EFNA5: variants seen among roughly 807,000 people sequenced by gnomAD.
The protein encoded by EFNA5 is ephrin-A5.
EFNA5 carries 5 observed loss-of-function variants against 22.9 expected under a neutral mutation model. The observed-to-expected ratio is 0.22, with a 90% CI of 0.11 to 0.46. The LOEUF is 0.46. EFNA5 is among the 20% of genes least tolerant of loss of function. The pLI, the probability that EFNA5 is intolerant of heterozygous loss-of-function variation, is 0.99. For missense variants in EFNA5, 237 were observed against 293.3 expected, an observed-to-expected ratio of 0.81 and a Z score of 1.40; for synonymous variants, 113 against 112.2, an observed-to-expected ratio of 1.01 and a Z score of -0.04.
At chr5:107,554,731 T>A (rs1326432237) in intron 1 of EFNA5, among the ~76,000 whole-genome samples, 1 of 152,172 alleles carries the variant, frequency 6.6e-6, no homozygotes, top group African/African-American at 2.4e-5. Context: ...AACTTCACTA[T>A]CAGTAATAAC....
chr5:107,643,014 C>T (rs1001371746), intron 1 of EFNA5, among the ~76,000 whole-genome samples: 1 of 150,768 alleles, frequency 6.6e-6, no homozygotes, highest in Non-Finnish European at 1.5e-5. Flanking sequence ...CTGATTGAGT[C>T]TCAGAACTAA....
At chr5:107,466,252 A>T (rs1749977621) in intron 1 of EFNA5, among the ~76,000 whole-genome samples, 1 of 152,142 alleles carries the variant, frequency 6.6e-6, no homozygotes. Flanking sequence ...GACGGCTCAT[A>T]AGTCGTGTTA....
At chr5:107,655,299 TTTAACTTCCAA>T (rs1381950543) in intron 1 of EFNA5, among the ~76,000 whole-genome samples, 3 of 152,078 alleles carry the variant, frequency 2.0e-5, no homozygotes, top group African/African-American at 7.2e-5. Context: ...CTTGACAAAT[TTTAACTTCCAA>T]TTTAGCAGGA....
At chr5:107,566,101 G>C (rs1408678220) in intron 1 of EFNA5, among the ~76,000 whole-genome samples, 1 of 152,136 alleles carries the variant, frequency 6.6e-6, no homozygotes, top group Non-Finnish European at 1.5e-5. Context: ...ATTTAAAAAA[G>C]AAAAACTCCA....
intron 1 of EFNA5, among the ~76,000 whole-genome samples, chr5:107,510,973 T>C (rs1337801321): frequency 4.6e-5 from 7 of 151,980 alleles, no homozygotes; most frequent in Non-Finnish European, 1.5e-5. Flanking sequence ...TATAATTATT[T>C]CAACATAGTT....
At chr5:107,486,202 A>T (rs1187612960) in intron 1 of EFNA5, among the ~76,000 whole-genome samples, 4 of 152,228 alleles carry the variant, frequency 2.6e-5, no homozygotes, top group Admixed American at 2.6e-4. Context: ...AAATCAGATG[A>T]TTCCTGAGTG....
intron 2 of EFNA5, among the ~76,000 whole-genome samples, chr5:107,401,650 G>A (rs1748086917): frequency 7.2e-5 from 11 of 152,142 alleles, no homozygotes; most frequent in Admixed American, 7.2e-4. Flanking sequence ...CAACCACACA[G>A]GGCTGTAGGA....
rs182460383 is a variant in EFNA5, at chr5:107,398,307, A to G, written c.419-10536T>C. Among the ~76,000 whole-genome samples the G allele has an allele frequency of 1.8e-3, 271 of 152,254 alleles. 1 individual carries two copies. The highest frequency in any genetic ancestry group is 0.013 in the South Asian group (63 of 4,824). On this transcript the variant is annotated intron_variant, in intron 2 of 4. Transcript: ENST00000333274. ...TGAGGTATGTCTCCATTTCTCCAACACAATAACCCTCTTCCAGGTTCCCAC... is the reference window on the plus strand; with the variant it reads ...TGAGGTATGTCTCCATTTCTCCAACGCAATAACCCTCTTCCAGGTTCCCAC...
chr5:107,642,076 T>A (rs1750536538), intron 1 of EFNA5, among the ~76,000 whole-genome samples: 1 of 152,196 alleles, frequency 6.6e-6, no homozygotes, highest in Admixed American at 6.5e-5. Context: ...AGAGACACCC[T>A]CTATCACCAT....
intron 1 of EFNA5, among the ~76,000 whole-genome samples, chr5:107,492,797 G>C (rs1205836806): frequency 6.6e-6 from 1 of 152,128 alleles, no homozygotes; most frequent in Non-Finnish European, 1.5e-5. Flanking sequence ...TCAGGAGTTT[G>C]AGACCAGCTT....
At chr5:107,382,068 C>T (rs763509816) in intron 4 of EFNA5, among the ~76,000 whole-genome samples, 30 of 152,136 alleles carry the variant, frequency 2.0e-4, no homozygotes, top group African/African-American at 2.9e-4. Context: ...TTATTTTTAT[C>T]GGGCTGAAGC....
intron 1 of EFNA5, among the ~76,000 whole-genome samples, chr5:107,478,614 G>A (rs908498650): frequency 2.0e-5 from 3 of 152,142 alleles, no homozygotes; most frequent in Non-Finnish European, 4.4e-5. Flanking sequence ...CAGCATGAAA[G>A]TTGAAAACTT....
At chr5:107,648,551 A>G (rs1328883920) in intron 1 of EFNA5, among the ~76,000 whole-genome samples, 1 of 152,160 alleles carries the variant, frequency 6.6e-6, no homozygotes, top group Non-Finnish European at 1.5e-5. Context: ...TGAAGCACTT[A>G]GATTTTTTAA....
intron 1 of EFNA5, among the ~76,000 whole-genome samples, chr5:107,606,284 T>C (rs1426558894): frequency 6.6e-6 from 1 of 152,184 alleles, no homozygotes; most frequent in East Asian, 1.9e-4. Flanking sequence ...CCAGCTCATA[T>C]GATTTGCCTA....
chr5:107,628,564 A>G (rs1750184933), intron 1 of EFNA5, among the ~76,000 whole-genome samples: 1 of 152,214 alleles, frequency 6.6e-6, no homozygotes, highest in African/African-American at 2.4e-5. Context: ...AGCTAGACAT[A>G]GTCTAGAAAA....
intron 4 of EFNA5, among the ~76,000 whole-genome samples, chr5:107,386,128 CATAAGGAAGAGAA>C (rs1747613233): frequency 1.7e-5 from 1 of 59,868 alleles, no homozygotes; most frequent in African/African-American, 6.7e-5. Context: ...TTTCTAGGAC[CATAAGGAAGAGAA>C]ATTCTACAAA....
chr5:107,538,829 G>C (rs992023804), intron 1 of EFNA5, among the ~76,000 whole-genome samples: 8 of 152,198 alleles, frequency 5.3e-5, no homozygotes, highest in African/African-American at 1.9e-4. Context: ...CTGGGTCCTG[G>C]GTGTAGGGGT....
At chr5:107,574,773 G>A (rs1273006040) in intron 1 of EFNA5, among the ~76,000 whole-genome samples, 2 of 152,196 alleles carry the variant, frequency 1.3e-5, no homozygotes, top group Admixed American at 6.5e-5. Flanking sequence ...TTGAACTAAT[G>A]TTAACTTAAA....
intron 1 of EFNA5, among the ~76,000 whole-genome samples, chr5:107,475,966 G>A (rs1280291909): frequency 1.4e-5 from 2 of 143,258 alleles, no homozygotes; most frequent in African/African-American, 5.3e-5. Flanking sequence ...TCACAGCACG[G>A]CACCTGTTTG....
Sources: allele counts gnomAD v4.1 joint callset (sites outside exome capture counted in the v4.1 genomes callset), GRCh38; gene constraint gnomAD v4.1.1; transcripts MANE v1.5; gene names NCBI Gene and HGNC (gene_info 2026-07-23, HGNC 2026-07-21).